PSD3: variants seen among roughly 807,000 people sequenced by gnomAD.
PSD3 encodes pleckstrin and Sec7 domain containing 3.
PSD3 carries 49 observed loss-of-function variants against 105.5 expected under a neutral mutation model. The observed-to-expected ratio is 0.46, with a 90% confidence interval of 0.37 to 0.59. The LOEUF is 0.59. Among genes scored for constraint, PSD3 ranks in the 20% least tolerant of loss-of-function variants. PSD3 has a pLI of 0.00. For synonymous variants in PSD3, 557 were observed against 457.8 expected (o/e 1.22, Z -2.77); for missense variants, 1,561 against 1,263.8 (o/e 1.24, Z -3.57).
chr8:18,982,230 T>C (rs915801835), intron 1 of PSD3, among the ~76,000 whole-genome samples: 3 of 152,232 alleles, frequency 2.0e-5, no homozygotes, highest in African/African-American at 7.2e-5. Flanking sequence ...CATCCTGGAA[T>C]TGTAGTAATT....
Position 18,867,868 on chromosome 8 carries a change from T to G in PSD3, c.1440A>C (p.Pro480=). 2 of 1,614,178 alleles carry G rather than the reference T, an allele frequency of 1.2e-6. No homozygotes were observed. Among genetic ancestry groups the G allele is most frequent in the Non-Finnish European group, 1.7e-6 (2 of 1,180,024 alleles). Reference sequence around the variant, plus strand: ...CTTCTTTAATGCGCTGTTGTATCATTGGAGTGAGGGGCATTTCAAAGCTAA... The same window carrying G: ...CTTCTTTAATGCGCTGTTGTATCATGGGAGTGAGGGGCATTTCAAAGCTAA... The part of the protein sequence containing the change: ...SYFSFEMPLT[P]MIQQRIKEGG... Residue 480 remains proline, a synonymous_variant, in exon 4 of 16, where the codon CCA becomes CCC. Coordinates refer to ENST00000327040, the MANE Select transcript of PSD3 (RefSeq NM_015310.4).
intron 1 of PSD3, among the ~76,000 whole-genome samples, chr8:19,062,874 A>C (rs996570408): frequency 2.0e-4 from 31 of 152,210 alleles, no homozygotes; most frequent in Non-Finnish European, 4.0e-4. Context: ...TATCTAGCTG[A>C]CTTGATCAGT....
chr8:18,924,974 C>A (rs1010062269), intron 2 of PSD3, among the ~76,000 whole-genome samples: 4 of 152,158 alleles, frequency 2.6e-5, no homozygotes, highest in Non-Finnish European at 5.9e-5. Context: ...ATATAGATAA[C>A]TGGACTTCAC....
At chr8:18,675,284 C>T (rs1039535556) in intron 9 of PSD3, among the ~76,000 whole-genome samples, 5 of 152,202 alleles carry the variant, frequency 3.3e-5, no homozygotes, top group Non-Finnish European at 4.4e-5. Flanking sequence ...CCTGTAAACA[C>T]CTTGGCCTGC....
chr8:18,888,414 G>T (rs1005286225), intron 2 of PSD3, among the ~76,000 whole-genome samples: 5 of 151,766 alleles, frequency 3.3e-5, no homozygotes, highest in Non-Finnish European at 1.5e-5. Flanking sequence ...TATTAATCTG[G>T]ATTCCGTCAC....
In PSD3 at chr8:18,582,771, T is replaced by C. The variant is rs139940826; in HGVS notation, c.2482-7486A>G. Reference sequence around the variant, plus strand: ...GTTAATCTGGTCTCTGTGTCTTTGATAGAACCTGTTTCCAAGTCATTCTCC... The same window carrying C: ...GTTAATCTGGTCTCTGTGTCTTTGACAGAACCTGTTTCCAAGTCATTCTCC... On this transcript the variant is annotated intron_variant, in intron 12 of 15. Transcript: ENST00000327040. Among the ~76,000 whole-genome samples, 131 of 151,404 alleles carry C rather than the reference T, an allele frequency of 8.7e-4. 1 individual carries two copies. The highest frequency in any genetic ancestry group is 3.0e-3 in the African/African-American group (123 of 41,086).
intron 1 of PSD3, among the ~76,000 whole-genome samples, chr8:19,027,271 T>C (rs1222266200): frequency 2.0e-5 from 3 of 152,198 alleles, no homozygotes; most frequent in Non-Finnish European, 4.4e-5. Context: ...ACATAACTGC[T>C]GAGTTACCTG....
chr8:18,630,614 T>C (rs571077744), intron 11 of PSD3, among the ~76,000 whole-genome samples: 35 of 152,118 alleles, frequency 2.3e-4, no homozygotes, highest in African/African-American at 7.9e-4. Context: ...GAATAAGTGA[T>C]AGCTGTTATA....
At chr8:18,906,604 T>C (rs62495870) in intron 2 of PSD3, among the ~76,000 whole-genome samples, 501 of 152,312 alleles carry the variant, frequency 3.3e-3, no homozygotes, top group Non-Finnish European at 4.2e-3. Flanking sequence ...TATGATCTTA[T>C]TGCTAAACTT....
chr8:18,929,765 AAAC>A (rs1325642644), intron 2 of PSD3, among the ~76,000 whole-genome samples: 2 of 152,208 alleles, frequency 1.3e-5, no homozygotes, highest in Non-Finnish European at 2.9e-5. Flanking sequence ...AGATTTAATG[AAAC>A]AACTGACCCT....
At chr8:18,656,382 G>C (rs890752010) in intron 9 of PSD3, among the ~76,000 whole-genome samples, 2 of 150,946 alleles carry the variant, frequency 1.3e-5, no homozygotes, top group African/African-American at 4.9e-5. Context: ...GTTAATGAAA[G>C]AAATAGAATT....
At chr8:18,748,942 C>T (rs1247669075) in intron 9 of PSD3, among the ~76,000 whole-genome samples, 1 of 152,166 alleles carries the variant, frequency 6.6e-6, no homozygotes, top group Non-Finnish European at 1.5e-5. Context: ...AGATATGGAG[C>T]TTTTAAAAGT....
intron 2 of PSD3, among the ~76,000 whole-genome samples, chr8:18,895,017 T>C (rs899430373): frequency 5.3e-5 from 8 of 152,192 alleles, no homozygotes; most frequent in African/African-American, 1.9e-4. Context: ...CTGTTACATA[T>C]CTACATTATC....
intron 1 of PSD3, among the ~76,000 whole-genome samples, chr8:18,953,661 AT>A (rs1156569637): frequency 6.6e-6 from 1 of 152,056 alleles, no homozygotes; most frequent in Non-Finnish European, 1.5e-5. Context: ...AGGCAGGAGA[AT>A]TGCTTGAACC....
chr8:19,075,930 T>G (rs1230778724), intron 1 of PSD3, among the ~76,000 whole-genome samples: 5 of 152,242 alleles, frequency 3.3e-5, no homozygotes, highest in African/African-American at 1.2e-4. Context: ...ATGTAATTCC[T>G]GCACTCACTT....
At chr8:18,665,340 G>C (rs1369547914) in intron 9 of PSD3, among the ~76,000 whole-genome samples, 1 of 152,232 alleles carries the variant, frequency 6.6e-6, no homozygotes. Flanking sequence ...TGGGGGGTTT[G>C]AGACTTCAGC....
intron 8 of PSD3, among the ~76,000 whole-genome samples, chr8:18,797,012 A>G (rs549421186): frequency 4.6e-5 from 7 of 152,312 alleles, no homozygotes; most frequent in African/African-American, 1.7e-4. Flanking sequence ...AAATCAGGCA[A>G]TCATGATGCA....
intron 1 of PSD3, among the ~76,000 whole-genome samples, chr8:19,019,365 A>G (rs1827288077): frequency 6.6e-6 from 1 of 152,144 alleles, no homozygotes; most frequent in Non-Finnish European, 1.5e-5. Context: ...ACTCCTCTTT[A>G]TTATCAATTC....
intron 1 of PSD3, among the ~76,000 whole-genome samples, chr8:19,005,370 A>G (rs1469561933): frequency 6.6e-6 from 1 of 152,062 alleles, no homozygotes; most frequent in Non-Finnish European, 1.5e-5. Flanking sequence ...CATTTACATG[A>G]TATGTGCAGA....
Sources: gnomAD v4.1 joint callset for allele counts (sites outside exome capture counted in the v4.1 genomes callset) on GRCh38, gnomAD v4.1.1 for gene constraint, MANE v1.5 for transcripts, NCBI Gene and HGNC (gene_info 2026-07-23, HGNC 2026-07-21) for gene names.